Variants in HEATR3 observed in about 807,000 individuals in gnomAD.
The protein encoded by HEATR3 is HEAT repeat-containing protein 3.
HEATR3 carries 56 observed loss-of-function variants against 72.8 expected under a neutral mutation model. The ratio of observed to expected loss-of-function variants is 0.77; its 90% CI spans 0.62 to 0.96. HEATR3 has a LOEUF of 0.96. Among genes scored for constraint, HEATR3 ranks in the 40% least tolerant of loss-of-function variants. The pLI, the probability that HEATR3 is intolerant of heterozygous loss-of-function variation, is 0.00. For synonymous variants in HEATR3, 331 were observed against 318.1 expected, an observed-to-expected ratio of 1.04 and a Z score of -0.43; for missense variants, 747 against 831.4, an observed-to-expected ratio of 0.90 and a Z score of 1.25.
In HEATR3 at chr16:50,070,462, G is replaced by C. The variant is rs569628274; in HGVS notation, c.512+172G>C. Among the ~76,000 whole-genome samples, 6 of 152,340 alleles carry C rather than the reference G, an allele frequency of 3.9e-5. No individual in the cohort carries two copies. The South Asian group carries it at 8.3e-4, about 21-fold the overall frequency. On this transcript the variant is annotated intron_variant, in intron 4 of 14. Coordinates refer to ENST00000299192, the MANE Select transcript of HEATR3 (RefSeq NM_182922.4). ...TGCCTGTAATCCCAGCACTTTGGGA[G>C]GCCGAGGCGGGTGGATCACTTGAGG...
intron 2 of HEATR3, among the ~76,000 whole-genome samples, chr16:50,068,283 G>A (rs2036541123): frequency 6.6e-6 from 1 of 152,182 alleles, no homozygotes; most frequent in Admixed American, 6.5e-5. Context: ...GCCCCACCTT[G>A]CTGCCCTTGC....
intron 6 of HEATR3, among the ~76,000 whole-genome samples, chr16:50,078,540 G>A (rs1254597634): frequency 6.6e-6 from 1 of 152,194 alleles, no homozygotes; most frequent in African/African-American, 2.4e-5. Context: ...TGCCAAGGAA[G>A]GGAGATGATT....
rs548817620 is a variant in HEATR3, at chr16:50,088,517, C to T, written c.1510+2166C>T. On this transcript the variant is annotated intron_variant, in intron 11 of 14. Transcript: ENST00000299192. ...GTCCCATTCCCATTCCAGGGCAGGA[C>T]GGGACAAGCACTGGAGTACAGAGGC... is the stretch of plus-strand genomic sequence containing the variant. Among the ~76,000 whole-genome samples the T allele has an allele frequency of 8.5e-5, 13 of 152,254 alleles. No homozygotes were observed. The East Asian group carries it at 1.4e-3, about 16-fold the overall frequency.
intron 11 of HEATR3, among the ~76,000 whole-genome samples, chr16:50,092,207 G>C (rs1248823482): frequency 6.6e-6 from 1 of 151,526 alleles, no homozygotes; most frequent in Non-Finnish European, 1.5e-5. Context: ...GTGGTGGCAC[G>C]TGCCTGTGGT....
chr16:50,089,052 T>C (rs1253687937), intron 11 of HEATR3, among the ~76,000 whole-genome samples: 9 of 152,348 alleles, frequency 5.9e-5, no homozygotes, highest in Non-Finnish European at 1.0e-4. Context: ...TGCTGGTTAT[T>C]TGTGGTCACT....
intron 11 of HEATR3, among the ~76,000 whole-genome samples, chr16:50,091,610 C>T (rs936451138): frequency 3.3e-5 from 5 of 152,106 alleles, no homozygotes; most frequent in Non-Finnish European, 7.4e-5. Context: ...CACGGTGGCT[C>T]ACGCCTGTAA....
chr16:50,083,810 AC>A (rs2150609304), intron 7 of HEATR3, 126 bp from the exon 8 acceptor site: 4 of 707,886 alleles, frequency 5.7e-6, no homozygotes, highest in South Asian at 5.6e-5. Context: ...TCTTTTACCT[AC>A]CCCATTCCCC....
intron 11 of HEATR3, among the ~76,000 whole-genome samples, chr16:50,087,111 C>T (rs1009882961): frequency 1.3e-5 from 2 of 152,152 alleles, no homozygotes; most frequent in Non-Finnish European, 2.9e-5. Flanking sequence ...TACTGTTGCA[C>T]CAGTTACTTG....
intron 3 of HEATR3, among the ~76,000 whole-genome samples, chr16:50,069,525 T>C (rs892288445): frequency 6.6e-6 from 1 of 152,160 alleles, no homozygotes; most frequent in Non-Finnish European, 1.5e-5. Context: ...TCTGGAGACA[T>C]TGGTTGTTAC....
In HEATR3 at chr16:50,086,210, T is replaced by TA; in HGVS notation, c.1374-5_1374-4insA. ...TCAGATGGCATTGTTTCACTTCCTT[T>TA]CCAGAATGAACACTATTCAGTGCAG... On this transcript the variant is annotated splice_polypyrimidine_tract_variant and splice_region_variant and intron_variant, in intron 10 of 14. Coordinates refer to ENST00000299192, the MANE Select transcript of HEATR3 (RefSeq NM_182922.4). 1 of 1,568,750 alleles carries TA rather than the reference T, an allele frequency of 6.4e-7. No individual in the cohort carries two copies. Among genetic ancestry groups the TA allele is most frequent in the Non-Finnish European group, 8.6e-7 (1 of 1,156,938 alleles).
At chr16:50,075,415 C>T (rs1248187004) in intron 5 of HEATR3, among the ~76,000 whole-genome samples, 156 bp from the exon 6 acceptor site, 2 of 151,952 alleles carry the variant, frequency 1.3e-5, no homozygotes, top group East Asian at 1.9e-4. Flanking sequence ...GCCTCATTTG[C>T]GCATATCACC....
At chr16:50,084,388 G>T in intron 9 of HEATR3, 97 bp downstream of exon 9, 2 of 1,404,376 alleles carry the variant, frequency 1.4e-6, no homozygotes, top group Non-Finnish European at 1.9e-6. Context: ...ACACTTCCAG[G>T]TTGTAGATGG....
chr16:50,094,294 G>A (rs2037182207), intron 11 of HEATR3, among the ~76,000 whole-genome samples: 1 of 152,208 alleles, frequency 6.6e-6, no homozygotes, highest in African/African-American at 2.4e-5. Flanking sequence ...GCTAAGCAGT[G>A]GGCTTGGGTT....
intron 7 of HEATR3, among the ~76,000 whole-genome samples, chr16:50,081,781 G>A (rs2036872946): frequency 2.0e-5 from 3 of 152,082 alleles, no homozygotes; most frequent in Non-Finnish European, 4.4e-5. Context: ...ACCCAAGTTG[G>A]TTTTTTTGTG....
chr16:50,072,858 G>A, intron 5 of HEATR3, 144 bp downstream of exon 5: 2 of 619,420 alleles, frequency 3.2e-6, no homozygotes, highest in East Asian at 5.7e-5. Context: ...TTTTTTCTGG[G>A]TCTTAAATCT....
rs1171202517 is a variant in HEATR3, at chr16:50,105,231, C to T, written c.*170C>T. 1.5e-6 allele frequency: 1 copy of T among 657,578 alleles called. No individual in the cohort carries two copies. The highest frequency in any genetic ancestry group is 2.5e-6 in the Non-Finnish European group (1 of 406,508). The allele number at this position is 657,578 out of a possible 1,614,324, so 40.7% of individuals were successfully genotyped here. ...AGGCATGGTGGCTCACGCCTATAAT[C>T]CCAGCACCTTGGGAGACCGAGGCGG... On this transcript the variant is annotated 3_prime_UTR_variant, in exon 15 of 15. Transcript: ENST00000299192.
chr16:50,068,581 G>C (rs2036547385), intron 2 of HEATR3, among the ~76,000 whole-genome samples, 199 bp from the exon 3 acceptor site: 2 of 152,182 alleles, frequency 1.3e-5, no homozygotes, highest in African/African-American at 4.8e-5. Context: ...TTATATGACA[G>C]CGTCGTCTGT....
chr16:50,085,015 T>TAC (rs1257238068), intron 10 of HEATR3, among the ~76,000 whole-genome samples: 1 of 151,982 alleles, frequency 6.6e-6, no homozygotes, highest in East Asian at 1.9e-4. Context: ...CATAAAAGAA[T>TAC]ACACACACTG....
chr16:50,066,384 C>G lies in HEATR3; in HGVS notation c.156C>G (p.Ala52=). The change falls in exon 2 of 15, where the codon GCC becomes GCG. Residue 52 remains alanine (A), a synonymous_variant. Coordinates refer to ENST00000299192, the MANE Select transcript of HEATR3 (RefSeq NM_182922.4). ...ELLEKLQHPS[A]EVRECACAGL... ...ATCCGCAGCTCCAGCACCCGAGCGC[C>G]GAGGTCCGCGAGTGCGCCTGCGCAG... 1 of 1,547,340 alleles carries G rather than the reference C, an allele frequency of 6.5e-7. No homozygotes were observed. The highest frequency in any genetic ancestry group is 8.6e-7 in the Non-Finnish European group (1 of 1,158,040).
Sources: allele counts gnomAD v4.1 joint callset (sites outside exome capture counted in the v4.1 genomes callset), GRCh38; gene constraint gnomAD v4.1.1; transcripts MANE v1.5; gene names NCBI Gene and HGNC (gene_info 2026-07-23, HGNC 2026-07-21).